The following IGSF10 variants were observed in gnomAD, a reference collection of about 807,000 sequenced individuals.
IGSF10 encodes calvaria mechanical force protein 608.
In IGSF10, 126 loss-of-function variants were observed where a neutral mutation model predicts 128.2. That is an observed-to-expected ratio of 0.98 (90% CI 0.85 to 1.14). The LOEUF (loss-of-function observed/expected upper bound fraction) is 1.14, where lower values mean the gene tolerates loss of function less well. IGSF10 is among the 50% of genes most tolerant of loss of function. The pLI, the probability that IGSF10 is intolerant of heterozygous loss-of-function variation, is 0.00. For missense variants in IGSF10, 3,295 were observed against 3,149.8 expected (o/e 1.05, Z -1.10); for synonymous variants, 1,185 against 1,146.2 (o/e 1.03, Z -0.68).
At chr3:151,589,309 C>T in the IGSF10 span, among the ~76,000 whole-genome samples, 1 of 152,136 alleles carries the variant, frequency 6.6e-6, no homozygotes, top group African/African-American at 2.4e-5. Context: ...TATTATCTTC[C>T]CTCAGCCATT....
At chr3:151,466,005 C>T (rs1320955876), upstream of IGSF10, among the ~76,000 whole-genome samples, 1 of 152,164 alleles carries the variant, frequency 6.6e-6, no homozygotes, top group East Asian at 1.9e-4. Context: ...TACCTCACTT[C>T]TGATTTCTGT....
the IGSF10 span, among the ~76,000 whole-genome samples, chr3:151,598,542 C>T: frequency 6.6e-6 from 1 of 152,154 alleles, no homozygotes; most frequent in African/African-American, 2.4e-5. Context: ...AATGGTATAA[C>T]ATTTGCATAT....
At chr3:151,591,651 G>A in the IGSF10 span, among the ~76,000 whole-genome samples, 1 of 151,894 alleles carries the variant, frequency 6.6e-6, no homozygotes, top group Non-Finnish European at 1.5e-5. Context: ...AAAGTGCAAA[G>A]TTCCTTCTAG....
the IGSF10 span, among the ~76,000 whole-genome samples, chr3:151,482,226 A>T: frequency 2.6e-5 from 4 of 152,202 alleles, no homozygotes; most frequent in Admixed American, 6.5e-5. Flanking sequence ...GCCCAAAAAG[A>T]AATTCAAAAA....
the IGSF10 span, among the ~76,000 whole-genome samples, chr3:151,478,793 AGT>A: frequency 2.0e-5 from 3 of 152,202 alleles, no homozygotes. Context: ...TAAAAAAAAG[AGT>A]GTGATATGAG....
chr3:151,462,820 A>G (rs973218488), upstream of IGSF10, among the ~76,000 whole-genome samples: 1 of 152,180 alleles, frequency 6.6e-6, no homozygotes, highest in African/African-American at 2.4e-5. Flanking sequence ...CATGGTCTTT[A>G]GCTCTGCAGA....
At chr3:151,558,013 T>TATTATATATATATAAAGTATATATA in the IGSF10 span, among the ~76,000 whole-genome samples, 62 of 26,712 alleles carry the variant, frequency 2.3e-3, 2 homozygotes, top group Admixed American at 4.8e-3. Context: ...ATAATATATA[T>TATTATATATATATAAAGTATATATA]ATATAATATA....
chr3:151,613,291 A>C, the IGSF10 span, among the ~76,000 whole-genome samples: 1 of 152,150 alleles, frequency 6.6e-6, no homozygotes, highest in African/African-American at 2.4e-5. Flanking sequence ...TCAAGCTACC[A>C]ATGACTTTCT....
At chr3:151,528,361 G>A in the IGSF10 span, among the ~76,000 whole-genome samples, 1 of 152,200 alleles carries the variant, frequency 6.6e-6, no homozygotes, top group Non-Finnish European at 1.5e-5. Context: ...TTTTTTAAAA[G>A]AGAAAGCATA....
chr3:151,533,090 G>C, the IGSF10 span, among the ~76,000 whole-genome samples: 1 of 152,036 alleles, frequency 6.6e-6, no homozygotes, highest in Non-Finnish European at 1.5e-5. Flanking sequence ...AAAATACCTA[G>C]GAATAAAACT....
Position 151,437,616 on chromosome 3 carries a change from G to T in IGSF10, c.6945C>A (p.Ala2315=), listed in dbSNP as rs1320102265. The part of the protein sequence containing the change: ...LSDSADFICV[A]RNEGGESVLV... ...ACACGCTCTCTCCACCTTCATTTCG[G>T]GCCACACAGATAAAGTCGGCTGAAT... The change falls in exon 8 of 8, where the codon GCC becomes GCA. Residue 2315 remains alanine, a synonymous_variant. Transcript: ENST00000282466. The T allele has an allele frequency of 1.2e-6, 2 of 1,614,022 alleles. No individual in the cohort carries two copies. The highest frequency in any genetic ancestry group is 2.2e-5 in the South Asian group (2 of 91,072).
the IGSF10 span, among the ~76,000 whole-genome samples, chr3:151,475,224 C>T: frequency 3.3e-5 from 5 of 152,174 alleles, no homozygotes; most frequent in African/African-American, 7.2e-5. Flanking sequence ...TTCATATTGA[C>T]ACCCAAGAAG....
chr3:151,456,925 T>C, intron 4 of IGSF10, 101 bp downstream of exon 4: 1 of 1,131,422 alleles, frequency 8.8e-7, no homozygotes, highest in South Asian at 1.4e-5. Flanking sequence ...ATTTACAGAA[T>C]GTTGATTTTC....
At chr3:151,498,738 C>G in the IGSF10 span, among the ~76,000 whole-genome samples, 1 of 152,122 alleles carries the variant, frequency 6.6e-6, no homozygotes, top group African/African-American at 2.4e-5. Flanking sequence ...ATTTCAGAAG[C>G]TGAATAAGGA....
chr3:151,496,706 G>C, the IGSF10 span, among the ~76,000 whole-genome samples: 1 of 151,768 alleles, frequency 6.6e-6, no homozygotes, highest in Non-Finnish European at 1.5e-5. Context: ...TAATGGGATG[G>C]CTGGGTCAAA....
the IGSF10 span, among the ~76,000 whole-genome samples, chr3:151,525,347 A>C: frequency 6.6e-6 from 1 of 152,206 alleles, no homozygotes; most frequent in Admixed American, 6.6e-5. Context: ...CTCTGAATTC[A>C]GGTAGCCACA....
At chr3:151,539,891 C>T in the IGSF10 span, among the ~76,000 whole-genome samples, 1 of 152,002 alleles carries the variant, frequency 6.6e-6, no homozygotes, top group African/African-American at 2.4e-5. Flanking sequence ...TCTGTCTGTT[C>T]ATCCATCCAT....
At chr3:151,439,154 C>G (rs939895928) in intron 7 of IGSF10, among the ~76,000 whole-genome samples, 9 of 152,162 alleles carry the variant, frequency 5.9e-5, no homozygotes, top group African/African-American at 1.9e-4. Context: ...GTTCTAGACA[C>G]CATGACTTCC....
At chr3:151,500,461 G>A in the IGSF10 span, among the ~76,000 whole-genome samples, 4 of 152,100 alleles carry the variant, frequency 2.6e-5, no homozygotes, top group Admixed American at 6.6e-5. Context: ...CCAGAAATAA[G>A]AAAGCTCAGA....
Sources: allele counts gnomAD v4.1 joint callset (sites outside exome capture counted in the v4.1 genomes callset), GRCh38; gene constraint gnomAD v4.1.1; transcripts MANE v1.5; gene names NCBI Gene and HGNC (gene_info 2026-07-23, HGNC 2026-07-21).